SNW1: variants seen among roughly 807,000 people sequenced by gnomAD.
SNW1 encodes SNW domain-containing protein 1.
Under a neutral mutation model 75.6 loss-of-function variants are expected in SNW1, and 9 were observed. That is an observed-to-expected ratio of 0.12 (90% CI 0.07 to 0.21). SNW1 has a LOEUF of 0.21. SNW1 is among the 10% of genes least tolerant of loss of function. The pLI is 1.00. For missense variants in SNW1, 409 were observed against 670.9 expected (o/e 0.61, Z 4.31); for synonymous variants, 200 against 219.1 (o/e 0.91, Z 0.77).
At position 77,758,940 on chromosome 14, in the gene SNW1, C is replaced by T. The variant is rs184300846; in HGVS notation, c.14+2174G>A. Among the ~76,000 whole-genome samples, 21 of 152,324 alleles carry T rather than the reference C, an allele frequency of 1.4e-4. 1 individual carries two copies. Among genetic ancestry groups the T allele is most frequent in the African/African-American group, 3.1e-4 (13 of 41,576 alleles). Reference sequence around the variant, plus strand: ...ACTGTCAGATGTTACAGGTTGAAGGCTCAGTCCCACAAGACTGCCCTTACT... The same window carrying T: ...ACTGTCAGATGTTACAGGTTGAAGGTTCAGTCCCACAAGACTGCCCTTACT... On this transcript the variant is annotated intron_variant, in intron 1 of 13. Transcript: ENST00000261531.
chr14:77,747,747 G>C (rs965336161), intron 3 of SNW1, among the ~76,000 whole-genome samples: 3 of 150,170 alleles, frequency 2.0e-5, no homozygotes, highest in African/African-American at 7.5e-5. Flanking sequence ...GTCTGGGAGG[G>C]AGGTGGGGGC....
At position 77,720,760 on chromosome 14, in the gene SNW1, C is replaced by T. The variant is rs772987970; in HGVS notation, c.1199G>A (p.Arg400Gln). Reference sequence around the variant, plus strand: ...GTCATACTGAACTTCATTGGAAGTCCGAGGATTAGGAACACCGAGAGCAAT... The same window carrying T: ...GTCATACTGAACTTCATTGGAAGTCTGAGGATTAGGAACACCGAGAGCAAT... ...EVIALGVPNP[R>Q]TSNEVQYDQR... is the part of the protein sequence containing the mutation. The change falls in exon 12 of 14, where the codon CGG becomes CAG. Residue 400 changes from arginine (R) to glutamine (Q), a missense_variant. Around this residue, in one of 9 missense-constraint regions of SNW1, gnomAD observed 126 missense variants for 167.6 expected, o/e 0.75. Transcript: ENST00000261531. 16 of 1,613,218 alleles carry T rather than the reference C, an allele frequency of 9.9e-6. No homozygotes were observed. Among genetic ancestry groups the T allele is most frequent in the East Asian group, 4.5e-5 (2 of 44,852 alleles).
At chr14:77,758,023 T>A (rs1445511957) in intron 1 of SNW1, among the ~76,000 whole-genome samples, 69 of 53,192 alleles carry the variant, frequency 1.3e-3, no homozygotes, top group South Asian at 3.0e-3. Context: ...TCTATCTATC[T>A]ATTGCAATCA....
Position 77,718,068 on chromosome 14 carries a change from CACTTT to C in SNW1, c.*15_*19del. On this transcript the variant is annotated 3_prime_UTR_variant, in exon 14 of 14. Coordinates refer to ENST00000261531, the MANE Select transcript of SNW1 (RefSeq NM_012245.3). ...TTAGGGTTATGGGTAAGAGTTCATT[CACTTT>C]GGAGAGACCTGTGCCTATTCCTTCC... 1 of 1,533,362 alleles carries C rather than the reference CACTTT, an allele frequency of 6.5e-7. No homozygotes were observed. The highest frequency in any genetic ancestry group is 8.8e-7 in the Non-Finnish European group (1 of 1,141,240). The allele number at this position is 1,533,362 out of a possible 1,614,324, so 95.0% of individuals were successfully genotyped here. A position where few individuals can be genotyped will look rare whatever the true frequency, so the allele number is the denominator to read the frequency against.
At chr14:77,729,487 C>A (rs1021491796) in intron 10 of SNW1, among the ~76,000 whole-genome samples, 1 of 152,152 alleles carries the variant, frequency 6.6e-6, no homozygotes, top group Non-Finnish European at 1.5e-5. Flanking sequence ...GCCCATTCCA[C>A]AGTATTCTAT....
intron 8 of SNW1, among the ~76,000 whole-genome samples, chr14:77,734,667 G>T (rs1206711186): frequency 6.6e-6 from 1 of 152,158 alleles, no homozygotes; most frequent in Non-Finnish European, 1.5e-5. Flanking sequence ...CAACCTGGGA[G>T]GTGGAGGCTG....
intron 3 of SNW1, among the ~76,000 whole-genome samples, chr14:77,744,150 A>G (rs1365597150): frequency 7.1e-6 from 1 of 141,562 alleles, no homozygotes; most frequent in Non-Finnish European, 1.6e-5. Flanking sequence ...AAAAAAAAAA[A>G]GAAAAAAAGA....
intron 8 of SNW1, among the ~76,000 whole-genome samples, chr14:77,733,487 G>C (rs796350075): frequency 1.4e-5 from 2 of 146,370 alleles, no homozygotes; most frequent in African/African-American, 2.4e-5. Flanking sequence ...GCTCAAGCCT[G>C]TAATCCCAAC....
At chr14:77,754,118 C>A (rs550990089) in intron 2 of SNW1, among the ~76,000 whole-genome samples, 1 of 151,540 alleles carries the variant, frequency 6.6e-6, no homozygotes, top group South Asian at 2.1e-4. Context: ...GATCTTGGCT[C>A]ACCACAACCT....
At chr14:77,733,912 TA>T in intron 8 of SNW1, 1 of 444,572 alleles carries the variant, frequency 2.2e-6, no homozygotes, top group African/African-American at 2.0e-5. Flanking sequence ...GATATCTGAC[TA>T]GTCTCTCAAA....
At chr14:77,736,464 G>A (rs938939329) in intron 6 of SNW1, among the ~76,000 whole-genome samples, 5 of 151,904 alleles carry the variant, frequency 3.3e-5, no homozygotes, top group East Asian at 1.9e-4. Flanking sequence ...CAAGAGAATC[G>A]CTTGAACCCA....
At position 77,747,073 on chromosome 14, in the gene SNW1, C is replaced by G. The variant is rs193153576; in HGVS notation, c.330+4246G>C. Reference sequence around the variant, plus strand: ...CTGGGATTGCAGGTGCGCGCCGCCACGCCTGACTGGTTTTCGTATTTTTTT... The same window carrying G: ...CTGGGATTGCAGGTGCGCGCCGCCAGGCCTGACTGGTTTTCGTATTTTTTT... On this transcript the variant is annotated intron_variant, in intron 3 of 13. Coordinates refer to ENST00000261531, the MANE Select transcript of SNW1 (RefSeq NM_012245.3). Among the ~76,000 whole-genome samples, 1,103 of 152,240 alleles carry G rather than the reference C, an allele frequency of 7.2e-3. 17 individuals are homozygous for G. The highest frequency in any genetic ancestry group is 0.026 in the African/African-American group (1,067 of 41,540).
intron 3 of SNW1, among the ~76,000 whole-genome samples, chr14:77,740,158 AGAG>A (rs144225827): frequency 0.46 from 39,781 of 86,046 alleles, 9,524 homozygotes; most frequent in South Asian, 0.51. Context: ...AAAAAAAAAA[AGAG>A]AGAGATACAG....
chr14:77,724,934 C>T (rs1290439180), intron 10 of SNW1, among the ~76,000 whole-genome samples: 1 of 152,168 alleles, frequency 6.6e-6, no homozygotes, highest in Non-Finnish European at 1.5e-5. Context: ...ATACTGTTTT[C>T]CATAGTGGCT....
At chr14:77,718,331 G>T in intron 13 of SNW1, 36 bp downstream of exon 13, 1 of 1,614,200 alleles carries the variant, frequency 6.2e-7, no homozygotes, top group East Asian at 2.2e-5. Context: ...GCTTTCACCA[G>T]TGTAAACACT....
At chr14:77,724,893 G>A (rs1566827012) in intron 10 of SNW1, among the ~76,000 whole-genome samples, 1 of 152,096 alleles carries the variant, frequency 6.6e-6, no homozygotes, top group Non-Finnish European at 1.5e-5. Flanking sequence ...ATCACGTAGT[G>A]GCTCTATTTT....
chr14:77,726,686 C>T (rs950565485), intron 10 of SNW1, among the ~76,000 whole-genome samples: 2 of 151,972 alleles, frequency 1.3e-5, no homozygotes, highest in African/African-American at 2.4e-5. Context: ...TGGTGGTGTG[C>T]GCCTGTTGTC....
intron 1 of SNW1, among the ~76,000 whole-genome samples, chr14:77,755,363 T>TA (rs1281927646): frequency 1.3e-5 from 2 of 152,010 alleles, no homozygotes; most frequent in Non-Finnish European, 2.9e-5. Flanking sequence ...ATGTCCAGAA[T>TA]AAAAAATTAA....
At chr14:77,723,433 A>C (rs1285888309) in intron 10 of SNW1, among the ~76,000 whole-genome samples, 156 bp from the exon 11 acceptor site, 1 of 152,146 alleles carries the variant, frequency 6.6e-6, no homozygotes, top group African/African-American at 2.4e-5. Flanking sequence ...CACTGCAGCC[A>C]CTACCTCCTG....
Sources: gnomAD v4.1 joint callset for allele counts (sites outside exome capture counted in the v4.1 genomes callset) on GRCh38, gnomAD v4.1.1 for gene constraint, gnomAD v4.1.1 regional missense constraint, MANE v1.5 for transcripts, NCBI Gene and HGNC (gene_info 2026-07-23, HGNC 2026-07-21) for gene names.